Variants in DAPK2 observed in about 807,000 individuals in gnomAD.
DAPK2 encodes death associated protein kinase 2.
In DAPK2, 35 loss-of-function variants were observed where a neutral mutation model predicts 44.1. The observed-to-expected ratio is 0.79, with a 90% CI of 0.61 to 1.05. DAPK2 has a LOEUF of 1.05. Among genes scored for constraint, DAPK2 ranks in the 50% least tolerant of loss-of-function variants. The pLI is 0.00. For missense variants in DAPK2, 453 were observed against 483.2 expected (o/e 0.94, Z 0.59); for synonymous variants, 174 against 182.6 (o/e 0.95, Z 0.38).
At chr15:63,947,428 T>A (rs1316830544) in intron 3 of DAPK2, among the ~76,000 whole-genome samples, 2 of 152,234 alleles carry the variant, frequency 1.3e-5, no homozygotes, top group African/African-American at 4.8e-5. Flanking sequence ...TACTGTTTAC[T>A]GGACAAATAA....
At chr15:64,016,361 TG>T (rs1459062859) in intron 1 of DAPK2, among the ~76,000 whole-genome samples, 3 of 152,260 alleles carry the variant, frequency 2.0e-5, no homozygotes, top group Non-Finnish European at 2.9e-5. Context: ...GAAATTGTTC[TG>T]GCTTTGGAGC....
chr15:63,930,276 G>T, intron 5 of DAPK2, 131 bp downstream of exon 6: 1 of 940,718 alleles, frequency 1.1e-6, no homozygotes, highest in Non-Finnish European at 1.7e-6. Context: ...CGGGGGAGCA[G>T]CCAGAGGCTC....
intron 1 of DAPK2, among the ~76,000 whole-genome samples, chr15:64,023,179 G>A (rs961321325): frequency 1.3e-5 from 2 of 152,210 alleles, no homozygotes; most frequent in Non-Finnish European, 2.9e-5. Flanking sequence ...AGTGACAGCA[G>A]GGATATCCAC....
intron 3 of DAPK2, among the ~76,000 whole-genome samples, chr15:63,955,653 T>C (rs2077703435): frequency 1.3e-5 from 2 of 152,118 alleles, no homozygotes; most frequent in South Asian, 2.1e-4. Context: ...ACGTGGCCTC[T>C]GCCTCCAGGG....
chr15:63,926,971 T>C (rs887595354), intron 6 of DAPK2, among the ~76,000 whole-genome samples: 6 of 152,196 alleles, frequency 3.9e-5, no homozygotes, highest in African/African-American at 1.4e-4. Flanking sequence ...TTTCTTAGCA[T>C]GGTGGCAGCA....
Position 63,929,279 on chromosome 15 carries a change from C to A in DAPK2, c.659+272G>T, listed in dbSNP as rs547924329. On this transcript the variant is annotated intron_variant, in intron 6 of 10. Transcript: ENST00000261891. ...GTCTGGGGGAGGGTGAGCAGGGGAG[C>A]CCTGGCATTCCATAGGAGGAATGCA... is the stretch of plus-strand genomic sequence containing the variant. Among the ~76,000 whole-genome samples the A allele has an allele frequency of 2.4e-4, 36 of 152,098 alleles. No homozygotes were observed. In the South Asian group the frequency reaches 7.3e-3, roughly 31 times the overall value.
chr15:63,943,251 C>A (rs2077363268), intron 3 of DAPK2, among the ~76,000 whole-genome samples: 1 of 151,914 alleles, frequency 6.6e-6, no homozygotes. Context: ...TGGAGAAACC[C>A]TGTCTCTACA....
intron 1 of DAPK2, among the ~76,000 whole-genome samples, chr15:64,037,230 C>G (rs1197931655): frequency 1.3e-5 from 2 of 152,182 alleles, no homozygotes; most frequent in Non-Finnish European, 2.9e-5. Context: ...CGCTGCTTGC[C>G]CCGGCCTGCT....
Position 63,922,888 on chromosome 15 carries a change from C to G in DAPK2, c.858+1928G>C, listed in dbSNP as rs1171832829. Reference sequence around the variant, plus strand: ...TGCCCACCAGCTCCTGAATCCACTGCAGGTCTGCGGAGAGCTCCTGCCTCA... The same window carrying G: ...TGCCCACCAGCTCCTGAATCCACTGGAGGTCTGCGGAGAGCTCCTGCCTCA... On this transcript the variant is annotated intron_variant, in intron 8 of 10. Transcript: ENST00000261891. 1.9e-5 allele frequency: 29 copies of G among 1,535,940 alleles called. 1 individual carries two copies. The highest frequency in any genetic ancestry group is 3.3e-4 in the Middle Eastern group (2 of 5,984).
At chr15:64,036,303 GTGTGTGTA>G (rs2080186153) in intron 1 of DAPK2, among the ~76,000 whole-genome samples, 1 of 48,632 alleles carries the variant, frequency 2.1e-5, no homozygotes, top group African/African-American at 4.2e-5. Flanking sequence ...GTGTGTGTGT[GTGTGTGTA>G]TATATATGTA....
At chr15:64,003,798 G>A (rs1055848945) in intron 1 of DAPK2, among the ~76,000 whole-genome samples, 1 of 152,138 alleles carries the variant, frequency 6.6e-6, no homozygotes, top group African/African-American at 2.4e-5. Context: ...TAGAGACGGG[G>A]TTTCACCACG....
chr15:63,923,411 G>A lies in DAPK2; in HGVS notation c.858+1405C>T. 1 of 1,491,378 alleles carries A rather than the reference G, an allele frequency of 6.7e-7. No homozygotes were observed. 92.4% of individuals were successfully genotyped at this position (1,491,378 alleles called of 1,614,324 possible). A position where few individuals can be genotyped will look rare whatever the true frequency, so the allele number is the denominator to read the frequency against. On this transcript the variant is annotated intron_variant, in intron 8 of 10. Transcript: ENST00000261891. The surrounding 1 kb of genome is among the most constrained non-coding windows in gnomAD (Gnocchi z 4.2). ...GCCCACCCCAGAGGGCAGTCCAAAG[G>A]GTAGGCAGAAGGCACACAAGCGGCC...
At chr15:63,926,053 C>CCTG in exon 7 of DAPK2, 1 of 1,613,588 alleles carries the variant, frequency 6.2e-7, no homozygotes, top group Non-Finnish European at 8.5e-7. Flanking sequence ...GCCAGTGTTT[C>CCTG]CTGCTTCGTG....
intron 1 of DAPK2, among the ~76,000 whole-genome samples, chr15:63,992,509 G>A (rs1217849550): frequency 6.6e-6 from 1 of 152,206 alleles, no homozygotes; most frequent in African/African-American, 2.4e-5. Context: ...CTATTGCAGA[G>A]ATTAGACAAA....
At position 63,980,808 on chromosome 15, in the gene DAPK2, G is replaced by A. The variant is rs2078484069; in HGVS notation, c.314+2725C>T. ...AGTGGGACCTTTAAGACGTGATTGG[G>A]TCGGGGTGCGGTGGCTCACGCCTGT... On this transcript the variant is annotated intron_variant, in intron 2 of 10. Coordinates refer to ENST00000261891, the Ensembl canonical transcript of DAPK2. This position sits in a 1 kb window ranked among gnomAD's most constrained non-coding sequence, Gnocchi z 4.3. Among the ~76,000 whole-genome samples the A allele has an allele frequency of 1.3e-5, 2 of 152,200 alleles. No individual in the cohort carries two copies. Among genetic ancestry groups the A allele is most frequent in the Non-Finnish European group, 1.5e-5 (1 of 68,034 alleles).
In DAPK2 at chr15:63,966,867, T is replaced by C. The variant is rs1210384642; in HGVS notation, c.453+4556A>G. The stretch of plus-strand genomic sequence containing the variant: ...TTTCCTACCCTCTTCAGTGCCTCTT[T>C]CTGTGATATGAAATTAAAACCAGGT... On this transcript the variant is annotated intron_variant, in intron 3 of 10. Transcript: ENST00000261891. This position sits in a 1 kb window ranked among gnomAD's most constrained non-coding sequence, Gnocchi z 5.5. Among the ~76,000 whole-genome samples, 1 of 152,136 alleles carries C rather than the reference T, an allele frequency of 6.6e-6. No homozygotes were observed. Among genetic ancestry groups the C allele is most frequent in the Non-Finnish European group, 1.5e-5 (1 of 68,020 alleles).
intron 8 of DAPK2, 181 bp downstream of exon 9, chr15:63,924,635 A>G (rs2079185433): frequency 1.7e-6 from 1 of 595,964 alleles, no homozygotes; most frequent in Admixed American, 3.1e-5. Context: ...AATAGCAAGC[A>G]AATAAACCTA....
At position 64,003,795 on chromosome 15, in the gene DAPK2, G is replaced by A. The variant is rs938266836; in HGVS notation, c.93-20041C>T. Reference sequence around the variant, plus strand: ...TATTTTTTGTATTTTTAGTAGAGACGGGGTTTCACCACGTTGGTCAGGCTG... The same window carrying A: ...TATTTTTTGTATTTTTAGTAGAGACAGGGTTTCACCACGTTGGTCAGGCTG... On this transcript the variant is annotated intron_variant, in intron 1 of 10. Coordinates refer to ENST00000261891, the Ensembl canonical transcript of DAPK2. Among the ~76,000 whole-genome samples the A allele has an allele frequency of 2.6e-5, 4 of 152,196 alleles. No individual in the cohort carries two copies. In the South Asian group the frequency reaches 6.2e-4, roughly 24 times the overall value.
At chr15:63,996,393 T>C (rs980919062) in intron 1 of DAPK2, among the ~76,000 whole-genome samples, 1 of 152,202 alleles carries the variant, frequency 6.6e-6, no homozygotes, top group Non-Finnish European at 1.5e-5. Context: ...CAGTGAGCTA[T>C]GATGGTGCCA....
Sources: gnomAD v4.1 joint callset for allele counts (sites outside exome capture counted in the v4.1 genomes callset) on GRCh38, gnomAD v4.1.1 for gene constraint, Gnocchi (gnomAD v3.1) non-coding constraint, MANE v1.5 for transcripts, NCBI Gene and HGNC (gene_info 2026-07-23, HGNC 2026-07-21) for gene names.